USHBP1: variants seen among roughly 807,000 people sequenced by gnomAD.
USHBP1 encodes the protein USH1 protein network component harmonin binding protein 1.
Under a neutral mutation model 76.2 loss-of-function variants are expected in USHBP1, and 67 were observed. The ratio of observed to expected loss-of-function variants is 0.88; its 90% CI spans 0.72 to 1.08. USHBP1 has a LOEUF of 1.08. Ranked by LOEUF, USHBP1 falls within the 50% of genes least tolerant of loss-of-function variation. The pLI is 0.00. For synonymous variants in USHBP1, 322 were observed against 362.2 expected, an observed-to-expected ratio of 0.89 and a Z score of 1.26; for missense variants, 931 against 915.0, an observed-to-expected ratio of 1.02 and a Z score of -0.23.
intron 12 of USHBP1, 141 bp from the exon 13 acceptor site, chr19:17,250,555 G>A: frequency 1.0e-6 from 1 of 993,380 alleles, no homozygotes. Context: ...TGTTGTTGTT[G>A]TTGTTGTTGT....
At chr19:17,261,425 T>C (rs539434932) in intron 4 of USHBP1, among the ~76,000 whole-genome samples, 2 of 145,636 alleles carry the variant, frequency 1.4e-5, no homozygotes, top group East Asian at 4.2e-4. Context: ...AAGCTCCGCC[T>C]CCCGGGTTCA....
At chr19:17,252,310 C>A (rs1440707228) in intron 10 of USHBP1, among the ~76,000 whole-genome samples, 2 of 152,124 alleles carry the variant, frequency 1.3e-5, no homozygotes, top group Non-Finnish European at 2.9e-5. Flanking sequence ...ATTCTCCTGC[C>A]TCAGCCTCCC....
At position 17,258,304 on chromosome 19, in the gene USHBP1, A is replaced by C. The variant is rs1362282351; in HGVS notation, c.1128T>G (p.Ser376Arg). ...DSGAGDEAPM[S>R]DLQAAEKEAW... ...CTTCCTTTTCAGCTGCTTGCAGGTC[A>C]CTCATGGGGGCTTCGTCTCCTGCTC... The change falls in exon 8 of 13, where the codon AGT (serine) becomes AGG (arginine). Residue 376 changes from serine (S) to arginine (R), a missense_variant. By Grantham distance (110) the Ser-to-Arg change is moderately radical (BLOSUM62 -1). Transcript: ENST00000252597. 6.2e-7 allele frequency: 1 copy of C among 1,613,916 alleles called. No individual in the cohort carries two copies. The highest frequency in any genetic ancestry group is 8.5e-7 in the Non-Finnish European group (1 of 1,180,000).
At position 17,262,596 on chromosome 19, in the gene USHBP1, A is replaced by C; in HGVS notation, c.598T>G (p.Ser200Ala). ...TTCTCAGCTCGGATGGCCTCCAGGG[A>C]GGCCTGCGTGCGGACCAGCTCATCC... ...REDELVRTQASLEAIRAEKET... is the reference protein window; with the variant it reads ...REDELVRTQAALEAIRAEKET... Residue 200 changes from serine to alanine, a missense_variant, in exon 4 of 13, where the codon TCC (serine) becomes GCC (alanine). Physicochemically the swap from Ser to Ala is moderately conservative, Grantham distance 99 (BLOSUM62 1). Coordinates refer to ENST00000252597, the MANE Select transcript of USHBP1 (RefSeq NM_031941.4). 1 of 1,612,826 alleles carries C rather than the reference A, an allele frequency of 6.2e-7. No homozygotes were observed. The highest frequency in any genetic ancestry group is 8.5e-7 in the Non-Finnish European group (1 of 1,179,346).
At chr19:17,250,474 C>T (rs907221180) in intron 12 of USHBP1, 60 bp from the exon 13 acceptor site, 22 of 1,556,462 alleles carry the variant, frequency 1.4e-5, no homozygotes, top group African/African-American at 1.2e-4. Flanking sequence ...AGGCAAGGGC[C>T]GTGTACTCCC....
In USHBP1 at chr19:17,261,622, G is replaced by A. The variant is rs560661470; in HGVS notation, c.642+930C>T. 8.4e-5 allele frequency among the ~76,000 whole-genome samples: 12 copies of A among 142,328 alleles called. No individual in the cohort carries two copies. In the East Asian group the frequency reaches 1.9e-3, roughly 22 times the overall value. The allele number at this position is 142,328 out of a possible 152,430, so 93.4% of individuals were successfully genotyped here. The stretch of plus-strand genomic sequence containing the variant: ...GCTGGGATTACAGGCGTGAGCCACC[G>A]TGCCCAGCATTATTATTATTTTTTT... On this transcript the variant is annotated intron_variant, in intron 4 of 12. Transcript: ENST00000252597.
In USHBP1 at chr19:17,264,730, G is replaced by T. The variant is rs979592665; in HGVS notation, c.-108C>A. The T allele has an allele frequency of 5.4e-6, 1 of 183,940 alleles. No homozygotes were observed. The highest frequency in any genetic ancestry group is 2.4e-5 in the African/African-American group (1 of 42,156). The allele number at this position is 183,940 out of a possible 1,614,324, so 11.4% of individuals were successfully genotyped here. ...CCTGAGTCCCGGGACACTCTGTTGGGGTCACTCTGACCACTGCCTGTTCAG... is the reference window on the plus strand; with the variant it reads ...CCTGAGTCCCGGGACACTCTGTTGGTGTCACTCTGACCACTGCCTGTTCAG... On this transcript the variant is annotated 5_prime_UTR_variant, in exon 1 of 13. Coordinates refer to ENST00000252597, the MANE Select transcript of USHBP1 (RefSeq NM_031941.4).
intron 10 of USHBP1, among the ~76,000 whole-genome samples, chr19:17,254,090 T>C (rs1277987658): frequency 8.6e-5 from 13 of 151,984 alleles, no homozygotes; most frequent in Non-Finnish European, 5.9e-5. Flanking sequence ...ACGCCTGTAA[T>C]CCCAGCACTT....
In USHBP1 at chr19:17,256,478, G is replaced by C. The variant is rs373978030; in HGVS notation, c.1463C>G (p.Ala488Gly). The stretch of plus-strand genomic sequence containing the variant: ...GCCACAGCCCATTTGTACCCTTGCG[G>C]CCACCAGGTCCTGCTGAATTTGTGT... ...EKTQIQQDLV[A>G]AREALADLML... The change falls in exon 9 of 13, where the codon GCC (alanine) becomes GGC (glycine). Residue 488 changes from alanine to glycine, a missense_variant. Transcript: ENST00000252597. 6.9e-5 allele frequency: 112 copies of C among 1,613,310 alleles called. 1 individual carries two copies. In the Admixed American group the frequency reaches 9.5e-4, roughly 14 times the overall value.
In USHBP1 at chr19:17,251,329, A is replaced by G. The variant is rs185919876; in HGVS notation, c.1922+253T>C. Among the ~76,000 whole-genome samples, 440 of 144,886 alleles carry G rather than the reference A, an allele frequency of 3.0e-3. 2 individuals carry two copies. Among genetic ancestry groups the G allele is most frequent in the Non-Finnish European group, 5.3e-3 (352 of 66,160 alleles). The stretch of plus-strand genomic sequence containing the variant: ...CAGGCACGTGCAAAGACGCCTAGCT[A>G]ATTTTTGTATTTTTAGTAGAGATGG... On this transcript the variant is annotated intron_variant, in intron 12 of 12. Coordinates refer to ENST00000252597, the MANE Select transcript of USHBP1 (RefSeq NM_031941.4).
In USHBP1 at chr19:17,262,718, G is replaced by A. The variant is rs2073704963; in HGVS notation, c.476C>T (p.Ser159Phe). ...CCCTGCCCCTTCCTGCTTCCCAAGGGAACCTGCTCCCCCTTCGCTTGTGCC... is the reference window on the plus strand; with the variant it reads ...CCCTGCCCCTTCCTGCTTCCCAAGGAAACCTGCTCCCCCTTCGCTTGTGCC... Reference protein sequence around the residue: ...FEGTSEGGAGSLGKQEGAGSC... With the variant: ...FEGTSEGGAGFLGKQEGAGSC... Residue 159 changes from serine to phenylalanine, a missense_variant, in exon 4 of 13, where the codon TCC (serine) becomes TTC (phenylalanine). Physicochemically the swap from Ser to Phe is radical, Grantham distance 155. Transcript: ENST00000252597. 1 of 1,614,208 alleles carries A rather than the reference G, an allele frequency of 6.2e-7. No individual in the cohort carries two copies. Among genetic ancestry groups the A allele is most frequent in the Non-Finnish European group, 8.5e-7 (1 of 1,180,026 alleles).
chr19:17,255,696 T>C, intron 9 of USHBP1, 90 bp from the exon 10 acceptor site: 2 of 1,378,072 alleles, frequency 1.5e-6, no homozygotes, highest in Non-Finnish European at 2.0e-6. Context: ...CTGAGGACTA[T>C]TCAGACAAAA....
chr19:17,264,619 G>C (rs2145599359), intron 1 of USHBP1, 52 bp downstream of exon 1: 1 of 405,342 alleles, frequency 2.5e-6, no homozygotes, highest in East Asian at 4.9e-5. Flanking sequence ...GCGATCTCAA[G>C]AATTCCCTCT....
chr19:17,252,138 G>T, intron 10 of USHBP1, 121 bp from the exon 11 acceptor site: 1 of 835,820 alleles, frequency 1.2e-6, no homozygotes, highest in Non-Finnish European at 1.9e-6. Flanking sequence ...ACCCACATCT[G>T]GTTCGATATA....
chr19:17,256,336 CCAGCT>C, intron 9 of USHBP1, 130 bp downstream of exon 9: 1 of 1,354,354 alleles, frequency 7.4e-7, no homozygotes, highest in Non-Finnish European at 1.0e-6. Context: ...CCTCAAAACC[CCAGCT>C]CCAATTCTCC....
intron 10 of USHBP1, among the ~76,000 whole-genome samples, chr19:17,255,144 T>C (rs920106561): frequency 1.3e-5 from 2 of 151,794 alleles, no homozygotes; most frequent in Non-Finnish European, 2.9e-5. Flanking sequence ...ATACAAAAAA[T>C]AGCTAGATGT....
intron 12 of USHBP1, 66 bp downstream of exon 12, chr19:17,251,516 G>A (rs2073550803): frequency 1.9e-6 from 3 of 1,599,572 alleles, no homozygotes; most frequent in Non-Finnish European, 2.6e-6. Flanking sequence ...AGACAGCCAG[G>A]GATACTTCTG....
chr19:17,255,447 T>C lies in USHBP1; in HGVS notation c.1630A>G (p.Asn544Asp). The C allele has an allele frequency of 1.2e-6, 2 of 1,614,154 alleles. No homozygotes were observed. The highest frequency in any genetic ancestry group is 1.7e-6 in the Non-Finnish European group (2 of 1,180,006). ...ERAELQAGGANSSGGHSSGGG... is the reference protein window; with the variant it reads ...ERAELQAGGADSSGGHSSGGG... ...CCGCTGCTATGTCCGCCACTGCTGT[T>C]TGCCCCACCAGCCTGGAGCTCTGCC... The change falls in exon 10 of 13, where the codon AAC becomes GAC. Residue 544 changes from asparagine to aspartate, a missense_variant. By Grantham distance (23) the Asn-to-Asp change is conservative. Transcript: ENST00000252597.
At position 17,258,453 on chromosome 19, in the gene USHBP1, A is replaced by G; in HGVS notation, c.1047-68T>C. On this transcript the variant is annotated intron_variant, in intron 7 of 12. Coordinates refer to ENST00000252597, the MANE Select transcript of USHBP1 (RefSeq NM_031941.4). ...GCTGGGTGCAATGGCCCTCACCTGT[A>G]GTCCCAGCACTTTGGGAGGCTGAGG... The G allele has an allele frequency of 3.9e-6, 6 of 1,550,294 alleles. No homozygotes were observed. The South Asian group carries it at 7.2e-5, about 19-fold the overall frequency.
Sources: gnomAD v4.1 joint callset for allele counts (sites outside exome capture counted in the v4.1 genomes callset) on GRCh38, gnomAD v4.1.1 for gene constraint, MANE v1.5 for transcripts, NCBI Gene and HGNC (gene_info 2026-07-23, HGNC 2026-07-21) for gene names.